Variants in DMD observed in about 807,000 individuals in gnomAD.
DMD encodes dystrophin.
DMD carries 63 observed loss-of-function variants against 330.1 expected under a neutral mutation model. The observed-to-expected ratio is 0.19, with a 90% CI of 0.16 to 0.24. The LOEUF (loss-of-function observed/expected upper bound fraction) is 0.24. Ranked by LOEUF, DMD falls within the 10% of genes least tolerant of loss-of-function variation. The probability of loss-of-function intolerance (pLI) is 1.00; values close to 1 mark genes in which losing one functional copy is unlikely to be tolerated. For missense variants in DMD, 3,344 were observed against 2,684.1 expected (o/e 1.25, Z -5.43); for synonymous variants, 1,223 against 959.8 (o/e 1.27, Z -5.07).
At chrX:32,478,593 T>C (rs979954522) in intron 21 of DMD, among the ~76,000 whole-genome samples, 2 of 112,020 alleles carry the variant, frequency 1.8e-5, no homozygotes, top group Non-Finnish European at 3.8e-5. Context: ...GAGTATAACT[T>C]GAATTTCTAA....
rs1418206185 is a variant in DMD, at chrX:32,252,775, TATATATAA to T, written c.6290+34746_6290+34753del. On this transcript the variant is annotated intron_variant, in intron 43 of 78. Transcript: ENST00000357033. ...ATATAAATATATAAATATATATAAATATATATAAATATATATAAATATATATATAAATA... is the reference window on the plus strand; with the variant it reads ...ATATAAATATATAAATATATATAAATATATATATAAATATATATATAAATA... 7.6e-3 allele frequency among the ~76,000 whole-genome samples: 288 copies of T among 38,034 alleles called. 15 individuals carry two copies. Among genetic ancestry groups the T allele is most frequent in the African/African-American group, 0.023 (162 of 7,126 alleles). 33.0% of individuals were successfully genotyped at this position (38,034 alleles called of 115,157 possible).
At chrX:31,603,903 C>T (rs765071689) in intron 55 of DMD, among the ~76,000 whole-genome samples, 1 of 111,667 alleles carries the variant, frequency 9.0e-6, no homozygotes, top group Admixed American at 9.5e-5. Flanking sequence ...AGGAAGACTC[C>T]ACTCCTTGAC....
At chrX:32,860,943 G>C (rs1451956990) in intron 2 of DMD, among the ~76,000 whole-genome samples, 1 of 111,568 alleles carries the variant, frequency 9.0e-6, no homozygotes, top group African/African-American at 3.3e-5. Context: ...TATGCAGAGG[G>C]AATTTAGAAA....
intron 62 of DMD, among the ~76,000 whole-genome samples, chrX:31,288,048 C>A (rs369600794): frequency 3.6e-5 from 4 of 111,385 alleles, no homozygotes; most frequent in Non-Finnish European, 5.6e-5. Flanking sequence ...AGCAGTCTCC[C>A]AAGCCAATTG....
chrX:32,626,280 G>A (rs1350449166), intron 11 of DMD, among the ~76,000 whole-genome samples: 1 of 110,630 alleles, frequency 9.0e-6, no homozygotes, highest in Non-Finnish European at 1.9e-5. Context: ...AGACCAGCCT[G>A]GCCAATAGAA....
chrX:32,410,662 A>AATCAC (rs1223353829), intron 30 of DMD, among the ~76,000 whole-genome samples: 1 of 111,929 alleles, frequency 8.9e-6, no homozygotes, highest in Non-Finnish European at 1.9e-5. Flanking sequence ...TGGGTTCACA[A>AATCAC]CATGTATATA....
At chrX:32,992,714 C>T (rs1218131228) in intron 2 of DMD, among the ~76,000 whole-genome samples, 1 of 110,056 alleles carries the variant, frequency 9.1e-6, no homozygotes, top group Non-Finnish European at 1.9e-5. Flanking sequence ...CAAGACCAGC[C>T]TGGTCAACAT....
intron 48 of DMD, among the ~76,000 whole-genome samples, chrX:31,865,102 G>GA (rs1203887537): frequency 1.8e-5 from 2 of 111,826 alleles, no homozygotes; most frequent in African/African-American, 6.5e-5. Flanking sequence ...GAGTTGAGTA[G>GA]AAAAAACAAA....
chrX:32,184,888 A>C (rs916621766), intron 44 of DMD, among the ~76,000 whole-genome samples: 6 of 104,060 alleles, frequency 5.8e-5, no homozygotes, highest in Non-Finnish European at 9.9e-5. Flanking sequence ...AGTACAAAAT[A>C]AAGTAGAAGA....
At chrX:32,774,350 C>G (rs913667273) in intron 7 of DMD, among the ~76,000 whole-genome samples, 2 of 112,128 alleles carry the variant, frequency 1.8e-5, no homozygotes, top group Non-Finnish European at 3.8e-5. Context: ...CACTGAAACA[C>G]TGATTCCAAG....
At chrX:31,658,548 T>C (rs1451422641) in intron 53 of DMD, among the ~76,000 whole-genome samples, 1 of 112,513 alleles carries the variant, frequency 8.9e-6, no homozygotes, top group Non-Finnish European at 1.9e-5. Flanking sequence ...CTTGTTGAAT[T>C]GTTTATGTAA....
At position 32,468,534 on chromosome X, in the gene DMD, C is replaced by T. The variant is rs2040289618; in HGVS notation, c.3126G>A (p.Lys1042=). The T allele has an allele frequency of 8.3e-7, 1 of 1,207,845 alleles. No homozygotes were observed. Among genetic ancestry groups the T allele is most frequent in the Admixed American group, 2.2e-5 (1 of 45,462 alleles). ...LSSQLVEHCQ[K]LEEQMNKLRK... ...GGAGTTTATTCATTTGCTCCTCTAG[C>T]TTTTGACAATGCTCAACCAGCTGGG... is the stretch of plus-strand genomic sequence containing the variant. The change falls in exon 23 of 79, where the codon AAG becomes AAA. Residue 1042 remains lysine (K), a synonymous_variant. Coordinates refer to ENST00000357033, the MANE Select transcript of DMD (RefSeq NM_004006.3).
chrX:32,456,489 A>G lies in DMD; in HGVS notation c.3433-1657T>C, dbSNP rs1276646281. 2.7e-5 allele frequency among the ~76,000 whole-genome samples: 3 copies of G among 110,874 alleles called. No homozygotes were observed. The Admixed American group carries it at 2.9e-4, about 11-fold the overall frequency. On this transcript the variant is annotated intron_variant, in intron 25 of 78. Coordinates refer to ENST00000357033, the MANE Select transcript of DMD (RefSeq NM_004006.3). ...AACTCTGCTCTGTTATAATCTTTTA[A>G]GGCAGTTGGTGAAGCTACAAAAATA...
intron 29 of DMD, among the ~76,000 whole-genome samples, chrX:32,433,807 T>A (rs1569562294): frequency 8.9e-6 from 1 of 112,238 alleles, no homozygotes; most frequent in South Asian, 3.7e-4. Context: ...TTACCAATAT[T>A]ATTATTCATT....
chrX:33,287,753 C>T (rs1471182661), intron 1 of DMD, among the ~76,000 whole-genome samples: 3 of 111,592 alleles, frequency 2.7e-5, no homozygotes. Flanking sequence ...AACTGGGACA[C>T]AATCACACCT....
At chrX:32,128,954 A>G (rs757750323) in intron 44 of DMD, among the ~76,000 whole-genome samples, 44 of 111,565 alleles carry the variant, frequency 3.9e-4, no homozygotes, top group African/African-American at 1.4e-3. Context: ...CAGAAACTCA[A>G]TGAAATATCT....
In DMD at chrX:32,518,237, C is replaced by T. The variant is rs1022144308; in HGVS notation, c.2169-106G>A. The T allele has an allele frequency of 7.6e-6, 6 of 786,827 alleles. No homozygotes were observed. The South Asian group carries it at 9.5e-5, about 12-fold the overall frequency. The allele number at this position is 786,827 out of a possible 1,213,427, so 64.8% of individuals were successfully genotyped here. On this transcript the variant is annotated intron_variant, in intron 17 of 78. Transcript: ENST00000357033. ...ATCATTCTTTTCTCAATCTGAGACT[C>T]CTGCCTGACACCTCTATTAGTATTA...
intron 44 of DMD, among the ~76,000 whole-genome samples, chrX:32,201,245 T>G: frequency 8.9e-6 from 1 of 112,302 alleles, no homozygotes; most frequent in Non-Finnish European, 1.9e-5. Context: ...TACATTGTAA[T>G]GAAAATCATG....
At chrX:31,161,277 G>C (rs909270779) in intron 74 of DMD, among the ~76,000 whole-genome samples, 7 of 111,863 alleles carry the variant, frequency 6.3e-5, no homozygotes, top group Non-Finnish European at 1.1e-4. Flanking sequence ...AGCTCAAACT[G>C]AATCTGAAGC....
Sources: gnomAD v4.1 joint callset for allele counts (sites outside exome capture counted in the v4.1 genomes callset) on GRCh38, gnomAD v4.1.1 for gene constraint, MANE v1.5 for transcripts, NCBI Gene and HGNC (gene_info 2026-07-23, HGNC 2026-07-21) for gene names.